The following FXR1 variants were observed in gnomAD, a reference collection of about 807,000 sequenced individuals.
The protein encoded by FXR1 is FMR1 autosomal homolog 1, also known as RNA-binding protein FXR1.
FXR1 carries 15 observed loss-of-function variants against 84.0 expected under a neutral mutation model. The ratio of observed to expected loss-of-function variants is 0.18; its 90% CI spans 0.12 to 0.27. FXR1 has a LOEUF of 0.27. Ranked by LOEUF, FXR1 falls within the 10% of genes least tolerant of loss-of-function variation. FXR1 has a pLI of 1.00. For synonymous variants in FXR1, 245 were observed against 250.7 expected (o/e 0.98, Z 0.21); for missense variants, 480 against 774.4 (o/e 0.62, Z 4.51).
intron 1 of FXR1, among the ~76,000 whole-genome samples, chr3:180,924,772 G>A (rs569409739): frequency 6.6e-6 from 1 of 152,220 alleles, no homozygotes; most frequent in African/African-American, 2.4e-5. Flanking sequence ...GATTACAGGC[G>A]TGAGCCACCG....
chr3:180,970,119 C>T, intron 14 of FXR1, 39 bp from the exon 15 acceptor site: 1 of 1,068,736 alleles, frequency 9.4e-7, no homozygotes, highest in Non-Finnish European at 1.5e-6. Context: ...AATTGCAGTA[C>T]TCTTAAACGA....
At chr3:180,931,782 C>T (rs1262623184) in intron 1 of FXR1, among the ~76,000 whole-genome samples, 1 of 146,784 alleles carries the variant, frequency 6.8e-6, no homozygotes, top group Non-Finnish European at 1.5e-5. Context: ...ACTCTGTCAC[C>T]CAGGCTGGAG....
At chr3:180,968,309 C>A (rs1264188357) in intron 14 of FXR1, 55 bp downstream of exon 14, 4 of 1,269,006 alleles carry the variant, frequency 3.2e-6, no homozygotes, top group African/African-American at 1.5e-5. Flanking sequence ...TTTAATTTTA[C>A]AAAAGTTAAT....
chr3:180,963,839 G>A (rs1004109503), intron 13 of FXR1, among the ~76,000 whole-genome samples: 5 of 151,970 alleles, frequency 3.3e-5, no homozygotes, highest in East Asian at 1.9e-4. Context: ...ATTTGGACTT[G>A]GATCTTAGCA....
Position 180,978,326 on chromosome 3 carries a change from C to T in FXR1, c.*2034C>T, listed in dbSNP as rs1047187034. ...AGTATAGCTGAACCAATTCTTCATT[C>T]TAGCAATAACCACACTAAGTTCATT... On this transcript the variant is annotated 3_prime_UTR_variant, in exon 17 of 17. Coordinates refer to ENST00000357559, the MANE Select transcript of FXR1 (RefSeq NM_005087.4). 2.0e-5 allele frequency: 3 copies of T among 152,038 alleles called. No individual in the cohort carries two copies. The highest frequency in any genetic ancestry group is 4.4e-5 in the Non-Finnish European group (3 of 67,970). The allele number at this position is 152,038 out of a possible 1,614,324, so 9.4% of individuals were successfully genotyped here. A position where few individuals can be genotyped will look rare whatever the true frequency, so the allele number is the denominator to read the frequency against.
At chr3:180,923,443 C>T (rs953866157) in intron 1 of FXR1, among the ~76,000 whole-genome samples, 1 of 152,096 alleles carries the variant, frequency 6.6e-6, no homozygotes, top group Non-Finnish European at 1.5e-5. Context: ...TTGTTATACA[C>T]AGTAAGTAGT....
At chr3:180,937,984 A>G (rs866906158) in intron 3 of FXR1, among the ~76,000 whole-genome samples, 1 of 152,284 alleles carries the variant, frequency 6.6e-6, no homozygotes, top group Middle Eastern at 3.4e-3. Flanking sequence ...TTGAAAAAAA[A>G]TTGGGATTAA....
chr3:180,928,091 A>AT (rs1371808626), intron 1 of FXR1, among the ~76,000 whole-genome samples: 134 of 143,788 alleles, frequency 9.3e-4, no homozygotes, highest in African/African-American at 3.2e-3. Context: ...ATTGTTACTG[A>AT]TTTTTTTTTG....
In FXR1 at chr3:180,912,700, G is replaced by A. The variant is rs1006917963; in HGVS notation, c.15G>A (p.Thr5=). The part of the protein sequence containing the change: MAEL[T]VEVRGSNGAF... ...GCGGTTCCAACATGGCGGAGCTGAC[G>A]GTGGAGGTTCGCGGCTCTAACGGGG... Residue 5 remains threonine, a synonymous_variant, in exon 1 of 17, where the codon ACG becomes ACA. Transcript: ENST00000357559. 3.1e-6 allele frequency: 5 copies of A among 1,613,932 alleles called. No individual in the cohort carries two copies. The highest frequency in any genetic ancestry group is 3.4e-6 in the Non-Finnish European group (4 of 1,179,940).
intron 8 of FXR1, among the ~76,000 whole-genome samples, chr3:180,952,864 A>G (rs1161964380): frequency 7.2e-6 from 1 of 137,978 alleles, no homozygotes; most frequent in African/African-American, 2.8e-5. Context: ...GACAGGGTCT[A>G]CTCTGTTGCT....
In FXR1 at chr3:180,915,603, G is replaced by T. The variant is rs767790348; in HGVS notation, c.51+2867G>T. The T allele has an allele frequency of 4.0e-4, 335 of 846,580 alleles. 4 individuals are homozygous for T. Among genetic ancestry groups the T allele is most frequent in the South Asian group, 1.5e-3 (106 of 70,416 alleles). 52.4% of individuals were successfully genotyped at this position (846,580 alleles called of 1,614,324 possible). A position where few individuals can be genotyped will look rare whatever the true frequency, so the allele number is the denominator to read the frequency against. On this transcript the variant is annotated intron_variant, in intron 1 of 16. Coordinates refer to ENST00000357559, the MANE Select transcript of FXR1 (RefSeq NM_005087.4). ...GTTAACATTTTAGTGTATTTCTTTGGTTTTTTTTGGTGGTTTTTCAATGTA... is the reference window on the plus strand; with the variant it reads ...GTTAACATTTTAGTGTATTTCTTTGTTTTTTTTTGGTGGTTTTTCAATGTA...
intron 3 of FXR1, among the ~76,000 whole-genome samples, chr3:180,945,417 T>C (rs484824): frequency 0.12 from 17,742 of 152,146 alleles, 1,216 homozygotes; most frequent in East Asian, 0.26. Flanking sequence ...ACCTTTTTTT[T>C]CCCCCTGGAC....
chr3:180,962,111 C>T (rs1444008759), intron 11 of FXR1, among the ~76,000 whole-genome samples: 5 of 152,082 alleles, frequency 3.3e-5, no homozygotes, highest in African/African-American at 1.2e-4. Flanking sequence ...AATTATTAAA[C>T]ATTTTAATTT....
At chr3:180,936,413 ACC>A (rs1720535046) in intron 3 of FXR1, among the ~76,000 whole-genome samples, 2 of 151,962 alleles carry the variant, frequency 1.3e-5, no homozygotes, top group Non-Finnish European at 2.9e-5. Flanking sequence ...GATTATAGGT[ACC>A]CACCATCACG....
chr3:180,929,263 T>C lies in FXR1; in HGVS notation c.52-4071T>C, dbSNP rs1259055757. Reference sequence around the variant, plus strand: ...ATGCCTGTTTGTTTTGTCAGAGTTATGTGGGCATTTTAAGATATTTTTTTT... The same window carrying C: ...ATGCCTGTTTGTTTTGTCAGAGTTACGTGGGCATTTTAAGATATTTTTTTT... On this transcript the variant is annotated intron_variant, in intron 1 of 16. Transcript: ENST00000357559. 2.6e-5 allele frequency among the ~76,000 whole-genome samples: 4 copies of C among 152,340 alleles called. No individual in the cohort carries two copies. In the South Asian group the frequency reaches 6.2e-4, roughly 24 times the overall value.
In FXR1 at chr3:180,981,082, C is replaced by T. The variant is rs1487690566; in HGVS notation, c.*4790C>T. ...CTCAATGTGAACCTACTACAAGCTT[C>T]TGAACTGCAAAACCTTTTTTTTAGG... On this transcript the variant is annotated 3_prime_UTR_variant, in exon 17 of 17. Transcript: ENST00000357559. The T allele has an allele frequency of 6.6e-6, 1 of 151,914 alleles. No homozygotes were observed. Among genetic ancestry groups the T allele is most frequent in the Non-Finnish European group, 1.5e-5 (1 of 67,898 alleles). The allele number at this position is 151,914 out of a possible 1,614,324, so 9.4% of individuals were successfully genotyped here.
At chr3:180,953,948 G>A (rs1722483829) in intron 9 of FXR1, 108 bp downstream of exon 9, 1 of 629,970 alleles carries the variant, frequency 1.6e-6, no homozygotes, top group Non-Finnish European at 2.8e-6. Flanking sequence ...TTCCAGTTAT[G>A]TGTAGATTTA....
intron 7 of FXR1, among the ~76,000 whole-genome samples, chr3:180,950,949 A>C (rs1722172828): frequency 1.3e-5 from 2 of 152,234 alleles, no homozygotes; most frequent in African/African-American, 2.4e-5. Context: ...GTGGTAGCTC[A>C]TGCCTATAAT....
Position 180,978,857 on chromosome 3 carries a change from G to A in FXR1, c.*2565G>A. The A allele has an allele frequency of 6.6e-6, 1 of 152,204 alleles. No individual in the cohort carries two copies. The highest frequency in any genetic ancestry group is 1.5e-5 in the Non-Finnish European group (1 of 67,992). The allele number at this position is 152,204 out of a possible 1,614,324, so 9.4% of individuals were successfully genotyped here. A position where few individuals can be genotyped will look rare whatever the true frequency, so the allele number is the denominator to read the frequency against. On this transcript the variant is annotated 3_prime_UTR_variant, in exon 17 of 17. Coordinates refer to ENST00000357559, the MANE Select transcript of FXR1 (RefSeq NM_005087.4). ...AATGACCTGCTTTTCCTGAAGCTTT[G>A]GGAGGCCTAGGATTCTTGCTTTAGG...
Sources: allele counts gnomAD v4.1 joint callset (sites outside exome capture counted in the v4.1 genomes callset), GRCh38; gene constraint gnomAD v4.1.1; transcripts MANE v1.5; gene names NCBI Gene and HGNC (gene_info 2026-07-23, HGNC 2026-07-21).